Variants in ERBB4 observed in about 807,000 individuals in gnomAD.
ERBB4 encodes the protein erb-b2 receptor tyrosine kinase 4, also known as receptor tyrosine-protein kinase erbB-4.
ERBB4 carries 42 observed loss-of-function variants against 158.0 expected under a neutral mutation model. That is an observed-to-expected ratio of 0.27 (90% CI 0.21 to 0.34). ERBB4 has a LOEUF of 0.34. Among genes scored for constraint, ERBB4 ranks in the 10% least tolerant of loss-of-function variants. The probability of loss-of-function intolerance (pLI) is 1.00; values close to 1 mark genes in which losing one functional copy is unlikely to be tolerated. For synonymous variants in ERBB4, 583 were observed against 558.7 expected, an observed-to-expected ratio of 1.04 and a Z score of -0.61; for missense variants, 1,333 against 1,624.1, an observed-to-expected ratio of 0.82 and a Z score of 3.08.
At chr2:211,599,018 T>C (rs569862821) in intron 19 of ERBB4, among the ~76,000 whole-genome samples, 44 of 152,300 alleles carry the variant, frequency 2.9e-4, no homozygotes, top group Admixed American at 1.9e-3. Context: ...GTATCACCTA[T>C]TTTACAGATT....
rs141468090 is a variant in ERBB4, at chr2:211,694,048, A to G, written c.1489+7919T>C. Among the ~76,000 whole-genome samples, 752 of 152,238 alleles carry G rather than the reference A, an allele frequency of 4.9e-3. 8 individuals are homozygous for G. The highest frequency in any genetic ancestry group is 0.017 in the African/African-American group (701 of 41,536). On this transcript the variant is annotated intron_variant, in intron 12 of 27. Coordinates refer to ENST00000342788, the MANE Select transcript of ERBB4 (RefSeq NM_005235.3). ...CTTCTCTTCTTCTTGTAAGTACACT[A>G]GTCATTTGATGAAGGACCTACCCTG...
At chr2:211,607,887 T>C (rs1040341566) in intron 19 of ERBB4, among the ~76,000 whole-genome samples, 2 of 116,924 alleles carry the variant, frequency 1.7e-5, no homozygotes, top group African/African-American at 5.7e-5. Context: ...TTTTTTTTTT[T>C]TAGACAGGGT....
chr2:212,312,058 G>C (rs1379768300), intron 1 of ERBB4, among the ~76,000 whole-genome samples: 2 of 150,942 alleles, frequency 1.3e-5, no homozygotes, highest in Non-Finnish European at 3.0e-5. Flanking sequence ...AAGCCACCCA[G>C]TTGTACTCTG....
chr2:212,357,593 G>A (rs1045299114), intron 1 of ERBB4, among the ~76,000 whole-genome samples: 3 of 151,054 alleles, frequency 2.0e-5, no homozygotes, highest in African/African-American at 4.9e-5. Flanking sequence ...GAAAATGTAC[G>A]TTTGCCCACA....
intron 1 of ERBB4, among the ~76,000 whole-genome samples, chr2:212,192,022 T>C (rs546843687): frequency 4.0e-4 from 21 of 52,904 alleles, no homozygotes; most frequent in African/African-American, 1.5e-3. Context: ...ATGTTATATG[T>C]TATATATGTT....
chr2:211,938,462 A>G (rs1480379440), intron 3 of ERBB4, among the ~76,000 whole-genome samples: 1 of 152,148 alleles, frequency 6.6e-6, no homozygotes, highest in South Asian at 2.1e-4. Context: ...TATGATTGCC[A>G]TTAGCCAAAT....
intron 1 of ERBB4, among the ~76,000 whole-genome samples, chr2:212,282,021 C>T (rs140203081): frequency 1.4e-3 from 218 of 151,914 alleles, no homozygotes; most frequent in African/African-American, 4.9e-3. Flanking sequence ...CATTTGATAA[C>T]ATGCCCAACA....
intron 20 of ERBB4, among the ~76,000 whole-genome samples, chr2:211,518,250 C>A (rs1378094686): frequency 6.6e-6 from 1 of 151,912 alleles, no homozygotes; most frequent in Non-Finnish European, 1.5e-5. Flanking sequence ...ATAAAATAGT[C>A]CACAGAGAGC....
At chr2:212,441,439 C>T (rs879814230) in intron 1 of ERBB4, among the ~76,000 whole-genome samples, 1 of 152,210 alleles carries the variant, frequency 6.6e-6, no homozygotes, top group Non-Finnish European at 1.5e-5. Context: ...TGCTTCTAGA[C>T]CTATAACTAG....
intron 1 of ERBB4, among the ~76,000 whole-genome samples, chr2:212,487,770 G>A (rs985817500): frequency 1.3e-5 from 2 of 152,092 alleles, no homozygotes; most frequent in Non-Finnish European, 2.9e-5. Flanking sequence ...AAAATATCAA[G>A]CATTGAGCTT....
chr2:211,932,220 C>T (rs139007277), intron 3 of ERBB4, among the ~76,000 whole-genome samples: 19 of 152,066 alleles, frequency 1.2e-4, no homozygotes, highest in Non-Finnish European at 2.7e-4. Flanking sequence ...TAAATTTCTG[C>T]GTTAAGAATC....
chr2:212,399,685 T>C (rs1300899444), intron 1 of ERBB4, among the ~76,000 whole-genome samples: 1 of 123,546 alleles, frequency 8.1e-6, no homozygotes, highest in African/African-American at 3.2e-5. Context: ...GCCAACATTG[T>C]GAAACCCCGT....
At chr2:212,455,952 A>G (rs1400549658) in intron 1 of ERBB4, among the ~76,000 whole-genome samples, 2 of 152,110 alleles carry the variant, frequency 1.3e-5, no homozygotes, top group East Asian at 1.9e-4. Context: ...TGACCTCAAC[A>G]CCTTTAACGT....
chr2:211,791,814 A>G (rs1388372332), intron 3 of ERBB4, among the ~76,000 whole-genome samples: 2 of 151,892 alleles, frequency 1.3e-5, no homozygotes, highest in Non-Finnish European at 2.9e-5. Context: ...AATTTCCAGT[A>G]AACACTTAAA....
intron 19 of ERBB4, among the ~76,000 whole-genome samples, chr2:211,616,232 G>C (rs1173439365): frequency 6.6e-6 from 1 of 152,100 alleles, no homozygotes; most frequent in African/African-American, 2.4e-5. Context: ...ATTTTGAGGT[G>C]TATGTCCTAC....
chr2:212,116,533 C>T (rs1031088592), intron 2 of ERBB4, among the ~76,000 whole-genome samples: 8 of 152,094 alleles, frequency 5.3e-5, no homozygotes, highest in African/African-American at 1.9e-4. Context: ...CTGCAGCCTC[C>T]AACTCTTGGA....
intron 25 of ERBB4, among the ~76,000 whole-genome samples, chr2:211,409,200 T>C (rs113129384): frequency 0.014 from 2,086 of 152,230 alleles, 42 homozygotes; most frequent in African/African-American, 0.046. Flanking sequence ...GTTGAAAGCA[T>C]AGACAAATCA....
chr2:212,369,536 C>CT (rs2090012383), intron 1 of ERBB4, among the ~76,000 whole-genome samples: 1 of 151,938 alleles, frequency 6.6e-6, no homozygotes, highest in African/African-American at 2.4e-5. Flanking sequence ...CTTATTCTTT[C>CT]TTTTTTAATT....
intron 4 of ERBB4, among the ~76,000 whole-genome samples, chr2:211,756,591 A>G (rs1004436913): frequency 5.3e-5 from 8 of 152,192 alleles, no homozygotes; most frequent in African/African-American, 1.9e-4. Context: ...TTTGACCTGT[A>G]GGGTAGAAAA....
Sources: allele counts gnomAD v4.1 joint callset (sites outside exome capture counted in the v4.1 genomes callset), GRCh38; gene constraint gnomAD v4.1.1; transcripts MANE v1.5; gene names NCBI Gene and HGNC (gene_info 2026-07-23, HGNC 2026-07-21).